COL4A4: variants seen among roughly 807,000 people sequenced by gnomAD.
COL4A4 encodes the protein collagen alpha-4(IV) chain.
A neutral mutation model predicts 192.9 loss-of-function variants in COL4A4; 105 were observed. That is an observed-to-expected ratio of 0.54 (90% CI 0.46 to 0.64). The LOEUF (loss-of-function observed/expected upper bound fraction) is 0.64, where lower values mean the gene tolerates loss of function less well. Among genes scored for constraint, COL4A4 ranks in the 30% least tolerant of loss-of-function variants. The probability of loss-of-function intolerance (pLI) is 0.00; values close to 1 mark genes in which losing one functional copy is unlikely to be tolerated. For synonymous variants in COL4A4, 762 were observed against 769.9 expected, an observed-to-expected ratio of 0.99 and a Z score of 0.17; for missense variants, 1,967 against 2,169.3, an observed-to-expected ratio of 0.91 and a Z score of 1.85.
chr2:227,071,584 T>A (rs973617742), intron 25 of COL4A4, among the ~76,000 whole-genome samples: 1 of 152,032 alleles, frequency 6.6e-6, no homozygotes, highest in Admixed American at 6.6e-5. Context: ...CTACCCAAGA[T>A]CTGCAGGATA....
the COL4A4 span, among the ~76,000 whole-genome samples, chr2:226,973,774 T>C: frequency 3.3e-5 from 5 of 152,226 alleles, no homozygotes; most frequent in African/African-American, 1.2e-4. Context: ...CCTCCTTCAC[T>C]AGCAGAAGTG....
intron 28 of COL4A4, among the ~76,000 whole-genome samples, chr2:227,058,071 A>C (rs1451353462): frequency 6.6e-6 from 1 of 151,724 alleles, no homozygotes; most frequent in Non-Finnish European, 1.5e-5. Flanking sequence ...CCAAAAATCT[A>C]CTTTGTTTTC....
Position 227,077,922 on chromosome 2 carries a change from C to T in COL4A4, c.1959G>A (p.Arg653=), listed in dbSNP as rs938194046. 10 of 1,613,428 alleles carry T rather than the reference C, an allele frequency of 6.2e-6. No individual in the cohort carries two copies. The highest frequency in any genetic ancestry group is 8.5e-6 in the Non-Finnish European group (10 of 1,179,998). The change falls in exon 25 of 48, where the codon AGG becomes AGA. Residue 653 remains arginine, a synonymous_variant. Coordinates refer to ENST00000396625, the MANE Select transcript of COL4A4 (RefSeq NM_000092.5). ...TCTGACCCTTCAAGCCATCAGGGCCCCTCACACCTGGGTGGCCTGGAACTC... is the reference window on the plus strand; with the variant it reads ...TCTGACCCTTCAAGCCATCAGGGCCTCTCACACCTGGGTGGCCTGGAACTC... ...HPGVPGHPGV[R]GPDGLKGQKG...
intron 19 of COL4A4, 115 bp downstream of exon 19, chr2:227,098,577 TTA>T: frequency 1.3e-6 from 1 of 790,786 alleles, no homozygotes; most frequent in Non-Finnish European, 2.2e-6. Context: ...GGCATCGGTA[TTA>T]TTTTACACAA....
intron 26 of COL4A4, among the ~76,000 whole-genome samples, chr2:227,061,020 C>T (rs73078216): frequency 0.024 from 3,631 of 152,270 alleles, 130 homozygotes; most frequent in African/African-American, 0.083. Context: ...GCCACCGCAC[C>T]CGGCCTAGAG....
At chr2:227,084,940 TG>T (rs2150554477) in intron 22 of COL4A4, among the ~76,000 whole-genome samples, 1 of 152,198 alleles carries the variant, frequency 6.6e-6, no homozygotes, top group African/African-American at 2.4e-5. Context: ...AAGACCAGCC[TG>T]ACCAAAAAGG....
intron 44 of COL4A4, among the ~76,000 whole-genome samples, chr2:227,019,194 G>C (rs4675137): frequency 0.48 from 73,058 of 151,960 alleles, 17,967 homozygotes; most frequent in African/African-American, 0.58. Flanking sequence ...AGATTAGGCC[G>C]AGGTACCAAT....
the COL4A4 span, among the ~76,000 whole-genome samples, chr2:226,993,716 T>C: frequency 4.6e-5 from 7 of 152,202 alleles, no homozygotes; most frequent in African/African-American, 7.2e-5. Flanking sequence ...ACTGGGATCT[T>C]CATCAGTAGA....
the COL4A4 span, among the ~76,000 whole-genome samples, chr2:226,972,493 G>C: frequency 9.9e-5 from 15 of 152,156 alleles, no homozygotes; most frequent in Admixed American, 3.9e-4. Context: ...GCCTGGGAAG[G>C]CTGCTCCACC....
rs1233036321 is a variant in COL4A4 at position 227,121,133 on chromosome 2, G to T, written c.208C>A (p.Pro70Thr). The T allele has an allele frequency of 6.2e-7, 1 of 1,614,016 alleles. No individual in the cohort carries two copies. The highest frequency in any genetic ancestry group is 8.5e-7 in the Non-Finnish European group (1 of 1,179,912). ...GGTCCAATTGGACCCTGTGGCCCTG[G>T]TGGTCCTGGTGGACCCTGAGAAGGA... ...EKGSRGPPGP[P>T]GPQGPIGPLG... Residue 70 changes from proline (P) to threonine (T), a missense_variant, in exon 5 of 48, where the codon CCA (proline) becomes ACA (threonine). Physicochemically the swap from Pro to Thr is conservative, Grantham distance 38. Coordinates refer to ENST00000396625, the MANE Select transcript of COL4A4 (RefSeq NM_000092.5).
Position 227,045,817 on chromosome 2 carries a change from CACATATATATA to C in COL4A4, c.3289+1647_3289+1657del, listed in dbSNP as rs1972435706. On this transcript the variant is annotated intron_variant, in intron 35 of 47. Coordinates refer to ENST00000396625, the MANE Select transcript of COL4A4 (RefSeq NM_000092.5). Reference sequence around the variant, plus strand: ...ATATATACACATATATATATATATACACATATATATATATACACACATATATATATACACAT... The same window carrying C: ...ATATATACACATATATATATATATACTATACACACATATATATATACACAT... Among the ~76,000 whole-genome samples the C allele has an allele frequency of 8.9e-5, 3 of 33,758 alleles. 1 individual carries two copies. Among genetic ancestry groups the C allele is most frequent in the Admixed American group, 2.9e-4 (1 of 3,430 alleles). The allele number at this position is 33,758 out of a possible 152,430, so 22.1% of individuals were successfully genotyped here. A position where few individuals can be genotyped will look rare whatever the true frequency, so the allele number is the denominator to read the frequency against.
At chr2:226,991,954 C>T in the COL4A4 span, among the ~76,000 whole-genome samples, 2 of 152,186 alleles carry the variant, frequency 1.3e-5, no homozygotes, top group African/African-American at 2.4e-5. Flanking sequence ...CCTACTAATA[C>T]TTTTTCCTTT....
At chr2:226,986,523 T>C in the COL4A4 span, among the ~76,000 whole-genome samples, 1 of 152,106 alleles carries the variant, frequency 6.6e-6, no homozygotes, top group South Asian at 2.1e-4. Flanking sequence ...AGGTAAAGGA[T>C]ATGAACAGAT....
At chr2:227,015,412 A>C (rs922445151) in intron 44 of COL4A4, among the ~76,000 whole-genome samples, 3 of 152,014 alleles carry the variant, frequency 2.0e-5, no homozygotes, top group African/African-American at 7.3e-5. Flanking sequence ...TTACCTAACA[A>C]ATCAGGTCTG....
Position 227,054,755 on chromosome 2 carries a change from T to A in COL4A4, c.2717-18A>T. The A allele has an allele frequency of 6.2e-7, 1 of 1,610,680 alleles. No individual in the cohort carries two copies. Among genetic ancestry groups the A allele is most frequent in the Non-Finnish European group, 8.5e-7 (1 of 1,178,380 alleles). ...CCGGGGTCCTGGTGAAATGAGAGCA[T>A]AAAGTTTTAGGAAAATATTTTATTT... On this transcript the variant is annotated intron_variant, in intron 30 of 47. Coordinates refer to ENST00000396625, the MANE Select transcript of COL4A4 (RefSeq NM_000092.5).
At chr2:227,056,153 G>A in intron 29 of COL4A4, 38 bp from the exon 30 acceptor site, 2 of 1,584,590 alleles carry the variant, frequency 1.3e-6, no homozygotes, top group Non-Finnish European at 1.7e-6. Flanking sequence ...TGTGAAGGCT[G>A]AACACTGGCT....
chr2:227,114,888 T>G (rs1286260138), intron 7 of COL4A4, among the ~76,000 whole-genome samples, 192 bp from the exon 8 acceptor site: 2 of 152,214 alleles, frequency 1.3e-5, no homozygotes, highest in Non-Finnish European at 2.9e-5. Context: ...CCATATTCAG[T>G]TAAGATCTGT....
chr2:227,152,092 A>T (rs1257446431), intron 1 of COL4A4, among the ~76,000 whole-genome samples: 2 of 152,158 alleles, frequency 1.3e-5, no homozygotes, highest in Non-Finnish European at 2.9e-5. Flanking sequence ...AAACTCCCTG[A>T]CCCAGGAGTT....
intron 7 of COL4A4, among the ~76,000 whole-genome samples, chr2:227,115,652 G>C (rs1280629207): frequency 6.6e-6 from 1 of 152,130 alleles, no homozygotes; most frequent in Non-Finnish European, 1.5e-5. Flanking sequence ...TCATATGAAA[G>C]ATATATACAT....
Sources: allele counts gnomAD v4.1 joint callset (sites outside exome capture counted in the v4.1 genomes callset), GRCh38; gene constraint gnomAD v4.1.1; transcripts MANE v1.5; gene names NCBI Gene and HGNC (gene_info 2026-07-23, HGNC 2026-07-21).